The following TRAPPC8 variants were observed in gnomAD, a reference collection of about 807,000 sequenced individuals.
TRAPPC8 encodes the protein general sporulation gene 1 homolog.
A neutral mutation model predicts 174.3 loss-of-function variants in TRAPPC8; 54 were observed. The observed-to-expected ratio is 0.31, with a 90% CI of 0.25 to 0.39. TRAPPC8 has a LOEUF of 0.39. Ranked by LOEUF, TRAPPC8 falls within the 10% of genes least tolerant of loss-of-function variation. The probability of loss-of-function intolerance (pLI) is 1.00; values close to 1 mark genes in which losing one functional copy is unlikely to be tolerated. For synonymous variants in TRAPPC8, 630 were observed against 579.9 expected, an observed-to-expected ratio of 1.09 and a Z score of -1.24; for missense variants, 1,531 against 1,699.1, an observed-to-expected ratio of 0.90 and a Z score of 1.74.
chr18:31,864,971 CT>C (rs1256629244), intron 18 of TRAPPC8, among the ~76,000 whole-genome samples, 190 bp from the exon 19 acceptor site: 3 of 152,004 alleles, frequency 2.0e-5, no homozygotes, highest in Non-Finnish European at 4.4e-5. Context: ...AGGTATGCTA[CT>C]TAATTTCTCA....
intron 11 of TRAPPC8, among the ~76,000 whole-genome samples, chr18:31,894,260 G>A (rs1026108113): frequency 6.6e-6 from 1 of 152,146 alleles, no homozygotes; most frequent in African/African-American, 2.4e-5. Context: ...ACCCAAAGTG[G>A]TAAAAACATT....
rs140831547 is a variant in TRAPPC8, at chr18:31,901,443, T to C, written c.1390-418A>G. On this transcript the variant is annotated intron_variant, in intron 9 of 28. Transcript: ENST00000283351. Reference sequence around the variant, plus strand: ...ATCATGAGAGTAACAGGCATTTCTTTATTGTATTTATATTATTCTCTTTCT... The same window carrying C: ...ATCATGAGAGTAACAGGCATTTCTTCATTGTATTTATATTATTCTCTTTCT... 2.0e-5 allele frequency among the ~76,000 whole-genome samples: 3 copies of C among 152,346 alleles called. No homozygotes were observed. The East Asian group carries it at 5.8e-4, about 29-fold the overall frequency.
At chr18:31,839,142 T>C (rs1425143312) in intron 27 of TRAPPC8, among the ~76,000 whole-genome samples, 170 bp downstream of exon 27, 1 of 152,202 alleles carries the variant, frequency 6.6e-6, no homozygotes, top group Non-Finnish European at 1.5e-5. Context: ...AATAAATCTT[T>C]AACTGATATT....
intron 7 of TRAPPC8, 69 bp downstream of exon 7, chr18:31,908,685 G>T: frequency 7.2e-7 from 1 of 1,393,344 alleles, no homozygotes; most frequent in Non-Finnish European, 9.5e-7. Context: ...CTTCAAATAC[G>T]TTTAATAATT....
intron 26 of TRAPPC8, among the ~76,000 whole-genome samples, chr18:31,840,542 G>C (rs1456977721): frequency 6.6e-6 from 1 of 151,990 alleles, no homozygotes; most frequent in African/African-American, 2.4e-5. Context: ...TCTGATAGCC[G>C]AGTTTGATTT....
intron 9 of TRAPPC8, among the ~76,000 whole-genome samples, chr18:31,903,931 T>C (rs2036551551): frequency 6.7e-6 from 1 of 150,156 alleles, no homozygotes; most frequent in Non-Finnish European, 1.5e-5. Flanking sequence ...TATACAATGG[T>C]GGTTAAAGGA....
intron 1 of TRAPPC8, among the ~76,000 whole-genome samples, chr18:31,937,180 T>C (rs558798046): frequency 2.7e-4 from 41 of 152,176 alleles, no homozygotes; most frequent in African/African-American, 9.6e-4. Flanking sequence ...ACCACTGCAC[T>C]CCAGCCTGGG....
intron 2 of TRAPPC8, among the ~76,000 whole-genome samples, chr18:31,929,051 G>A (rs1366401307): frequency 6.6e-6 from 1 of 151,794 alleles, no homozygotes; most frequent in Admixed American, 6.6e-5. Context: ...GCGTGGTGGT[G>A]GGCACCTGTA....
chr18:31,846,576 A>T, intron 26 of TRAPPC8, 140 bp downstream of exon 26: 1 of 686,392 alleles, frequency 1.5e-6, no homozygotes, highest in Non-Finnish European at 2.5e-6. Flanking sequence ...ATCCAGTCTC[A>T]AAACAACAAC....
At chr18:31,863,048 T>A (rs2034411204) in intron 19 of TRAPPC8, among the ~76,000 whole-genome samples, 1 of 31,684 alleles carries the variant, frequency 3.2e-5, no homozygotes. Context: ...CAAGACTAGG[T>A]CTCAAAAAAA....
At position 31,832,188 on chromosome 18, in the gene TRAPPC8, T is replaced by G; in HGVS notation, c.3984-15A>C. 5 of 1,451,418 alleles carry G rather than the reference T, an allele frequency of 3.4e-6. No homozygotes were observed. Among genetic ancestry groups the G allele is most frequent in the Non-Finnish European group, 9.1e-7 (1 of 1,101,958 alleles). 89.9% of individuals were successfully genotyped at this position (1,451,418 alleles called of 1,614,324 possible). A position where few individuals can be genotyped will look rare whatever the true frequency, so the allele number is the denominator to read the frequency against. On this transcript the variant is annotated splice_polypyrimidine_tract_variant and intron_variant, in intron 27 of 28. Coordinates refer to ENST00000283351, the MANE Select transcript of TRAPPC8 (RefSeq NM_014939.5). ...CTAAACAAAGGCTATGGAAGAAAAA[T>G]AAACAAAAAAGTTATATATTTTTTT...
At chr18:31,873,835 T>C (rs2035011236) in intron 13 of TRAPPC8, 1 of 239,050 alleles carries the variant, frequency 4.2e-6, no homozygotes, top group South Asian at 6.8e-5. Context: ...TATAGCATCC[T>C]ATCTGCCAAA....
At chr18:31,843,859 G>A (rs1178188360) in intron 26 of TRAPPC8, among the ~76,000 whole-genome samples, 1 of 152,082 alleles carries the variant, frequency 6.6e-6, no homozygotes, top group East Asian at 1.9e-4. Flanking sequence ...TTTTAAAACT[G>A]AAAATTATTA....
At chr18:31,833,144 G>A (rs1266478479) in intron 27 of TRAPPC8, 1 of 152,182 alleles carries the variant, frequency 6.6e-6, no homozygotes, top group Admixed American at 6.5e-5. Context: ...AGACTACTGG[G>A]TAGGTGTCCA....
intron 12 of TRAPPC8, among the ~76,000 whole-genome samples, chr18:31,883,968 C>T (rs2035582624): frequency 6.6e-6 from 1 of 152,098 alleles, no homozygotes; most frequent in African/African-American, 2.4e-5. Context: ...GCAGGTGGAT[C>T]GCCTGAGGTC....
intron 25 of TRAPPC8, among the ~76,000 whole-genome samples, chr18:31,847,787 GT>G (rs1158270077): frequency 6.6e-6 from 1 of 152,124 alleles, no homozygotes; most frequent in African/African-American, 2.4e-5. Flanking sequence ...TTCTGATGAT[GT>G]TATGGCATTG....
chr18:31,931,119 A>G (rs920529470), intron 2 of TRAPPC8, among the ~76,000 whole-genome samples: 1 of 152,216 alleles, frequency 6.6e-6, no homozygotes, highest in Non-Finnish European at 1.5e-5. Flanking sequence ...CATTCAACAA[A>G]TATTTATTAT....
rs2034196508 is a variant in TRAPPC8 at position 31,859,169 on chromosome 18, A to T, written c.2746-1187T>A. ...TAACATCTAAGCAAGCAGGAAGATA[A>T]AGGTAACAATATGAGTGAAATGTTC... is the stretch of plus-strand genomic sequence containing the variant. On this transcript the variant is annotated intron_variant, in intron 19 of 28. Transcript: ENST00000283351. 2.0e-5 allele frequency among the ~76,000 whole-genome samples: 3 copies of T among 152,184 alleles called. No homozygotes were observed. The South Asian group carries it at 6.2e-4, about 31-fold the overall frequency.
chr18:31,880,324 C>A (rs917394936), intron 12 of TRAPPC8, among the ~76,000 whole-genome samples: 2 of 151,364 alleles, frequency 1.3e-5, no homozygotes, highest in Admixed American at 1.3e-4. Flanking sequence ...GGGTTTTATT[C>A]CAGAAATACA....
Sources: gnomAD v4.1 joint callset for allele counts (sites outside exome capture counted in the v4.1 genomes callset) on GRCh38, gnomAD v4.1.1 for gene constraint, MANE v1.5 for transcripts, NCBI Gene and HGNC (gene_info 2026-07-23, HGNC 2026-07-21) for gene names.